Variants in FPR2 observed in about 807,000 individuals in gnomAD.
FPR2 encodes the protein formyl peptide receptor 2.
A neutral mutation model predicts 4.0 loss-of-function variants in FPR2; 3 were observed. The ratio of observed to expected loss-of-function variants is 0.74; its 90% CI spans 0.34 to 1.92. FPR2 has a LOEUF of 1.92. Among genes scored for constraint, FPR2 ranks in the 30% most tolerant of loss-of-function variants. FPR2 has a pLI of 0.07. For missense variants in FPR2, 372 were observed against 435.7 expected, an observed-to-expected ratio of 0.85 and a Z score of 1.30; for synonymous variants, 179 against 171.5, an observed-to-expected ratio of 1.04 and a Z score of -0.34.
rs1003536738 is a variant in FPR2 at position 51,769,477 on chromosome 19, C to G, written c.819C>G (p.Phe273Leu). The change falls in exon 2 of 2, where the codon TTC becomes TTG. Residue 273 changes from phenylalanine (F) to leucine (L), a missense_variant. Physicochemically the swap from Phe to Leu is conservative, Grantham distance 22 (BLOSUM62 0). Coordinates refer to ENST00000340023, the MANE Select transcript of FPR2 (RefSeq NM_001005738.2). The surrounding 1 kb of genome is among the most constrained non-coding windows in gnomAD (Gnocchi z 4.4). The stretch of plus-strand genomic sequence containing the variant: ...CCGTCTGGCTCAAAGAGATGTTGTT[C>G]TATGGCAAGTACAAAATCATTGACA... The part of the protein sequence containing the change: ...LGTVWLKEML[F>L]YGKYKIIDIL... 6.2e-7 allele frequency: 1 copy of G among 1,614,076 alleles called. No individual in the cohort carries two copies. Among genetic ancestry groups the G allele is most frequent in the African/African-American group, 1.3e-5 (1 of 74,926 alleles).
chr19:51,766,081 G>T (rs1007163459), intron 1 of FPR2, among the ~76,000 whole-genome samples: 1 of 152,132 alleles, frequency 6.6e-6, no homozygotes, highest in East Asian at 1.9e-4. Context: ...CACCAGGCCC[G>T]GCTAATTTTT....
At chr19:51,763,648 C>T (rs761615883) in intron 1 of FPR2, 7 of 152,336 alleles carry the variant, frequency 4.6e-5, no homozygotes, top group East Asian at 3.9e-4. Context: ...AAAGAATTCT[C>T]TCAGGAGAAA....
chr19:51,768,592 A>G, intron 1 of FPR2, 53 bp from the exon 2 acceptor site: 1 of 1,375,840 alleles, frequency 7.3e-7, no homozygotes. Context: ...ATAAATACAG[A>G]TGCTGTAAGA....
At chr19:51,763,313 A>C (rs1027221049) in intron 1 of FPR2, 4 of 152,218 alleles carry the variant, frequency 2.6e-5, no homozygotes, top group African/African-American at 9.6e-5. Context: ...TTGAGCTTCA[A>C]ATGCAAGTGA....
intron 1 of FPR2, among the ~76,000 whole-genome samples, chr19:51,767,531 T>C (rs2083874709): frequency 6.6e-6 from 1 of 152,178 alleles, no homozygotes; most frequent in Non-Finnish European, 1.5e-5. Context: ...CTAATTAGAC[T>C]AGTCAGGATT....
Position 51,769,564 on chromosome 19 carries a change from C to G in FPR2, c.906C>G (p.Tyr302Ter), listed in dbSNP as rs143928920. ...FFNSCLNPML[Y>*]VFVGQDFRER... Reference sequence around the variant, plus strand: ...ACAGCTGCCTCAACCCCATGCTTTACGTCTTTGTGGGCCAAGACTTCCGAG... The same window carrying G: ...ACAGCTGCCTCAACCCCATGCTTTAGGTCTTTGTGGGCCAAGACTTCCGAG... The change falls in exon 2 of 2, where the codon TAC (tyrosine) becomes TAG (stop). Residue 302 changes from tyrosine to a stop codon, truncating the protein, a stop_gained. Transcript: ENST00000340023. LOFTEE classifies it high-confidence loss of function. This position sits in a 1 kb window ranked among gnomAD's most constrained non-coding sequence, Gnocchi z 4.4. 2 of 1,614,188 alleles carry G rather than the reference C, an allele frequency of 1.2e-6. No individual in the cohort carries two copies. Among genetic ancestry groups the G allele is most frequent in the South Asian group, 2.2e-5 (2 of 91,084 alleles).
At position 51,769,026 on chromosome 19, in the gene FPR2, G is replaced by C; in HGVS notation, c.368G>C (p.Arg123Pro). ...TTGATTGGTTTCATTGCACTGGACC[G>C]CTGCATTTGTGTCCTGCATCCAGTC... ...VFLIGFIALDRCICVLHPVWA... is the reference protein window; with the variant it reads ...VFLIGFIALDPCICVLHPVWA... Residue 123 changes from arginine (R) to proline (P), a missense_variant, in exon 2 of 2, where the codon CGC (arginine) becomes CCC (proline). Physicochemically the swap from Arg to Pro is moderately radical, Grantham distance 103 (BLOSUM62 -2). Coordinates refer to ENST00000340023, the MANE Select transcript of FPR2 (RefSeq NM_001005738.2). The surrounding 1 kb of genome is among the most constrained non-coding windows in gnomAD (Gnocchi z 4.4). 5.0e-6 allele frequency: 8 copies of C among 1,614,182 alleles called. No homozygotes were observed. Among genetic ancestry groups the C allele is most frequent in the Non-Finnish European group, 6.8e-6 (8 of 1,180,032 alleles).
At chr19:51,768,576 T>G in intron 1 of FPR2, 69 bp from the exon 2 acceptor site, 56 of 1,261,560 alleles carry the variant, frequency 4.4e-5, no homozygotes, top group Non-Finnish European at 5.8e-5. Context: ...GAAGTTGATG[T>G]GAGCTATAAA....
intron 1 of FPR2, among the ~76,000 whole-genome samples, chr19:51,764,098 G>T (rs2083855320): frequency 6.6e-6 from 1 of 152,086 alleles, no homozygotes; most frequent in Non-Finnish European, 1.5e-5. Context: ...TATGATTTAT[G>T]TAATGTTTAT....
intron 1 of FPR2, chr19:51,763,436 A>G (rs1174876058): frequency 6.6e-6 from 1 of 152,236 alleles, no homozygotes; most frequent in Non-Finnish European, 1.5e-5. Flanking sequence ...TCACGAAGAT[A>G]TTGAGATAAG....
At chr19:51,762,182 G>A (rs1367969933) in intron 1 of FPR2, among the ~76,000 whole-genome samples, 2 of 150,430 alleles carry the variant, frequency 1.3e-5, no homozygotes, top group African/African-American at 2.4e-5. Flanking sequence ...GCCTCTCAGG[G>A]TCAAGCGATT....
intron 1 of FPR2, among the ~76,000 whole-genome samples, chr19:51,765,771 C>T (rs997951186): frequency 2.6e-5 from 4 of 152,200 alleles, no homozygotes; most frequent in Admixed American, 6.5e-5. Context: ...TCTATTCTCA[C>T]TTAATCCTCA....
Position 51,769,208 on chromosome 19 carries a change from G to A in FPR2, c.550G>A (p.Gly184Ser). The change falls in exon 2 of 2, where the codon GGT (glycine) becomes AGT (serine). Residue 184 changes from glycine to serine, a missense_variant. By Grantham distance (56) the Gly-to-Ser change is moderately conservative. Transcript: ENST00000340023. The surrounding 1 kb of genome is among the most constrained non-coding windows in gnomAD (Gnocchi z 4.4). Reference protein sequence around the residue: ...TYCTFNFASWGGTPEERLKVA... With the variant: ...TYCTFNFASWSGTPEERLKVA... Reference sequence around the variant, plus strand: ...CTGTACTTTCAACTTTGCATCCTGGGGTGGCACCCCTGAGGAGAGGCTGAA... The same window carrying A: ...CTGTACTTTCAACTTTGCATCCTGGAGTGGCACCCCTGAGGAGAGGCTGAA... 1.2e-6 allele frequency: 2 copies of A among 1,614,156 alleles called. No homozygotes were observed. The highest frequency in any genetic ancestry group is 1.7e-6 in the Non-Finnish European group (2 of 1,180,036).
intron 1 of FPR2, among the ~76,000 whole-genome samples, chr19:51,761,498 G>A (rs1481765737): frequency 6.6e-6 from 1 of 151,934 alleles, no homozygotes; most frequent in South Asian, 2.1e-4. Context: ...TTTTATTTGC[G>A]GGGTTAAATG....
Position 51,769,820 on chromosome 19 carries a change from A to G in FPR2, c.*106A>G, listed in dbSNP as rs2083891376. On this transcript the variant is annotated 3_prime_UTR_variant, in exon 2 of 2. Transcript: ENST00000340023. This position sits in a 1 kb window ranked among gnomAD's most constrained non-coding sequence, Gnocchi z 4.4. ...GAGGCATTCAAGGATGCACAGCTCA[A>G]GTATTTATTCAGGAAAAATGCTTTT... 1 of 920,052 alleles carries G rather than the reference A, an allele frequency of 1.1e-6. No individual in the cohort carries two copies. Among genetic ancestry groups the G allele is most frequent in the South Asian group, 1.7e-5 (1 of 59,940 alleles). 57.0% of individuals were successfully genotyped at this position (920,052 alleles called of 1,614,324 possible).
Position 51,770,357 on chromosome 19 carries a change from TTA to T in FPR2, c.*648_*649del, listed in dbSNP as rs2083893948. 6.0e-6 allele frequency: 1 copy of T among 167,096 alleles called. No homozygotes were observed. Among genetic ancestry groups the T allele is most frequent in the Non-Finnish European group, 1.5e-5 (1 of 68,122 alleles). 10.4% of individuals were successfully genotyped at this position (167,096 alleles called of 1,614,324 possible). A position where few individuals can be genotyped will look rare whatever the true frequency, so the allele number is the denominator to read the frequency against. ...TTGGTTAGAATTTCTGTGTTTATGT[TTA>T]TATACTGTTATTTCACTTTTTCTAC... On this transcript the variant is annotated 3_prime_UTR_variant, in exon 2 of 2. Transcript: ENST00000340023.
rs140068071 is a variant in FPR2 at position 51,768,970 on chromosome 19, G to C, written c.312G>C (p.Val104=). 7 of 1,614,048 alleles carry C rather than the reference G, an allele frequency of 4.3e-6. No individual in the cohort carries two copies. The African/African-American group carries it at 8.0e-5, about 18-fold the overall frequency. ...TCCTGTGTAAGTTAATTCACATCGT[G>C]GTGGACATCAACCTCTTTGGAAGTG... The part of the protein sequence containing the change: ...GWFLCKLIHI[V]VDINLFGSVF... Residue 104 remains valine, a synonymous_variant, in exon 2 of 2, where the codon GTG becomes GTC. Coordinates refer to ENST00000340023, the MANE Select transcript of FPR2 (RefSeq NM_001005738.2).
chr19:51,769,820 A>C lies in FPR2; in HGVS notation c.*106A>C. Reference sequence around the variant, plus strand: ...GAGGCATTCAAGGATGCACAGCTCAAGTATTTATTCAGGAAAAATGCTTTT... The same window carrying C: ...GAGGCATTCAAGGATGCACAGCTCACGTATTTATTCAGGAAAAATGCTTTT... On this transcript the variant is annotated 3_prime_UTR_variant, in exon 2 of 2. Transcript: ENST00000340023. This position sits in a 1 kb window ranked among gnomAD's most constrained non-coding sequence, Gnocchi z 4.4. The C allele has an allele frequency of 3.3e-6, 3 of 920,052 alleles. 1 individual carries two copies. The South Asian group carries it at 5.0e-5, about 15-fold the overall frequency. The allele number at this position is 920,052 out of a possible 1,614,324, so 57.0% of individuals were successfully genotyped here. A position where few individuals can be genotyped will look rare whatever the true frequency, so the allele number is the denominator to read the frequency against.
chr19:51,765,285 C>T (rs1467264019), intron 1 of FPR2, among the ~76,000 whole-genome samples: 1 of 152,210 alleles, frequency 6.6e-6, no homozygotes, highest in Non-Finnish European at 1.5e-5. Flanking sequence ...ATCAATCTGG[C>T]TGAGCTCCAA....
Sources: gnomAD v4.1 joint callset for allele counts (sites outside exome capture counted in the v4.1 genomes callset) on GRCh38, gnomAD v4.1.1 for gene constraint, Gnocchi (gnomAD v3.1) non-coding constraint, MANE v1.5 for transcripts, NCBI Gene and HGNC (gene_info 2026-07-23, HGNC 2026-07-21) for gene names.